Variants in MALRD1 observed in about 807,000 individuals in gnomAD.
MALRD1 encodes the protein MAM and LDL receptor class A domain containing 1, also known as MAM and LDL-receptor class A domain-containing protein 1.
Under a neutral mutation model 242.1 loss-of-function variants are expected in MALRD1, and 247 were observed. The ratio of observed to expected loss-of-function variants is 1.02; its 90% CI spans 0.92 to 1.13. MALRD1 has a LOEUF of 1.13. MALRD1 is among the 50% of genes most tolerant of loss of function. The probability of loss-of-function intolerance (pLI) is 0.00; values close to 1 mark genes in which losing one functional copy is unlikely to be tolerated. For missense variants in MALRD1, 2,989 were observed against 2,533.1 expected (o/e 1.18, Z -3.86); for synonymous variants, 995 against 866.6 (o/e 1.15, Z -2.60).
chr10:19,197,511 G>A (rs2131599188), intron 14 of MALRD1, among the ~76,000 whole-genome samples: 1 of 152,104 alleles, frequency 6.6e-6, no homozygotes, highest in East Asian at 1.9e-4. Context: ...CATTGTCCTT[G>A]TGACACCCTG....
intron 21 of MALRD1, among the ~76,000 whole-genome samples, chr10:19,291,930 C>A (rs1037545792): frequency 1.3e-5 from 2 of 151,314 alleles, no homozygotes; most frequent in Admixed American, 1.3e-4. Flanking sequence ...ATTAAAAATG[C>A]AAAAAATTAG....
At chr10:19,620,204 T>C (rs535464174) in intron 36 of MALRD1, among the ~76,000 whole-genome samples, 27 of 152,074 alleles carry the variant, frequency 1.8e-4, no homozygotes, top group African/African-American at 6.5e-4. Context: ...TATTTTAGGC[T>C]CACAGGTACA....
chr10:19,705,819 G>C (rs867413463), intron 38 of MALRD1, among the ~76,000 whole-genome samples: 7 of 57,886 alleles, frequency 1.2e-4, no homozygotes, highest in East Asian at 5.6e-4. Context: ...AAAAAAAAAA[G>C]CCCACAAGAG....
chr10:19,051,936 A>C (rs1034670003), intron 1 of MALRD1: 44 of 193,566 alleles, frequency 2.3e-4, no homozygotes, highest in Non-Finnish European at 3.5e-4. Context: ...AAAAAAAAAA[A>C]AAAAAAAAAA....
intron 26 of MALRD1, among the ~76,000 whole-genome samples, chr10:19,380,275 TTC>T (rs1369350867): frequency 4.4e-5 from 2 of 45,444 alleles, no homozygotes; most frequent in Non-Finnish European, 9.1e-5. Context: ...GCGGCCAGCC[TTC>T]TTTTTTTTTT....
At chr10:19,356,806 T>C (rs939359313) in intron 26 of MALRD1, among the ~76,000 whole-genome samples, 6 of 151,960 alleles carry the variant, frequency 3.9e-5, no homozygotes, top group Non-Finnish European at 5.9e-5. Context: ...TCCTATTTAA[T>C]AGAAGTATAA....
chr10:19,571,696 T>C (rs1836548634), intron 33 of MALRD1, among the ~76,000 whole-genome samples: 1 of 125,732 alleles, frequency 8.0e-6, no homozygotes, highest in South Asian at 2.2e-4. Context: ...ATTAAATAGA[T>C]TTTTTTCAGT....
chr10:19,382,946 T>C (rs1845900641), intron 26 of MALRD1, among the ~76,000 whole-genome samples: 1 of 152,186 alleles, frequency 6.6e-6, no homozygotes, highest in Non-Finnish European at 1.5e-5. Context: ...TATGACTTAC[T>C]ACAATTTATT....
intron 13 of MALRD1, among the ~76,000 whole-genome samples, chr10:19,169,097 C>G (rs1200359492): frequency 6.6e-6 from 1 of 152,058 alleles, no homozygotes; most frequent in Middle Eastern, 3.2e-3. Context: ...AGAGGCAAAA[C>G]CCAAGCTGCC....
In MALRD1 at chr10:19,331,469, A is replaced by G; in HGVS notation, c.3788A>G (p.Lys1263Arg). ...TCCCCTTTGCTTAGCCCAGAGAGAA[A>G]GTGTACTGATCATGAATTCATGTGT... ...DCSPLLSPER[K>R]CTDHEFMCAN... Residue 1263 changes from lysine to arginine, a missense_variant, in exon 24 of 40, where the codon AAG (lysine) becomes AGG (arginine). Physicochemically the swap from Lys to Arg is conservative, Grantham distance 26. Transcript: ENST00000454679. 1.3e-6 allele frequency: 2 copies of G among 1,550,520 alleles called. No homozygotes were observed. The highest frequency in any genetic ancestry group is 1.2e-5 in the South Asian group (1 of 84,058).
chr10:19,492,819 G>A (rs1283352764), intron 30 of MALRD1, among the ~76,000 whole-genome samples: 2 of 152,100 alleles, frequency 1.3e-5, no homozygotes, highest in Non-Finnish European at 2.9e-5. Flanking sequence ...TACATCAAAT[G>A]TAGAGAAGGT....
At chr10:19,676,411 A>T (rs1449054001) in intron 36 of MALRD1, among the ~76,000 whole-genome samples, 1 of 152,210 alleles carries the variant, frequency 6.6e-6, no homozygotes, top group East Asian at 1.9e-4. Flanking sequence ...GACAGTCATG[A>T]CTAAGATAAA....
intron 34 of MALRD1, among the ~76,000 whole-genome samples, chr10:19,599,660 T>A (rs899342311): frequency 1.3e-5 from 2 of 151,946 alleles, no homozygotes; most frequent in African/African-American, 4.8e-5. Context: ...AATAAGGGGA[T>A]TGTTTATTAG....
At chr10:19,443,198 A>T (rs1053248576) in intron 28 of MALRD1, among the ~76,000 whole-genome samples, 1 of 150,970 alleles carries the variant, frequency 6.6e-6, no homozygotes, top group African/African-American at 2.4e-5. Context: ...CATCTATTTG[A>T]TTCTTCTCTC....
Position 19,155,109 on chromosome 10 carries a change from C to G in MALRD1, c.1593C>G (p.Pro531=), listed in dbSNP as rs557518878. 2 of 1,231,576 alleles carry G rather than the reference C, an allele frequency of 1.6e-6. No individual in the cohort carries two copies. Among genetic ancestry groups the G allele is most frequent in the Non-Finnish European group, 2.0e-6 (2 of 987,906 alleles). 76.3% of individuals were successfully genotyped at this position (1,231,576 alleles called of 1,614,324 possible). A position where few individuals can be genotyped will look rare whatever the true frequency, so the allele number is the denominator to read the frequency against. The change falls in exon 12 of 40, where the codon CCC becomes CCG. Residue 531 remains proline, a synonymous_variant. Coordinates refer to ENST00000454679, the MANE Select transcript of MALRD1 (RefSeq NM_001142308.3). ...SFIYLEAQRS[P]GVAKLGSPVL... is the part of the protein sequence containing the mutation. The stretch of plus-strand genomic sequence containing the variant: ...TTTATTTGGAGGCACAGCGCTCCCC[C>G]GGGGTGGCCAAGCTTGGAAGTCCTG...
chr10:19,664,385 G>A (rs962076286), intron 36 of MALRD1, among the ~76,000 whole-genome samples: 4 of 151,740 alleles, frequency 2.6e-5, no homozygotes, highest in African/African-American at 7.3e-5. Context: ...GCACTCCAGG[G>A]ATTTTTGATT....
chr10:19,613,237 C>T (rs948424917), intron 35 of MALRD1, among the ~76,000 whole-genome samples: 17 of 151,934 alleles, frequency 1.1e-4, no homozygotes, highest in Admixed American at 2.0e-4. Flanking sequence ...GAAGAAAGAC[C>T]ACAAATCTTT....
chr10:19,066,780 T>A lies in MALRD1; in HGVS notation c.261T>A (p.Ser87Arg). 8.1e-7 allele frequency: 1 copy of A among 1,233,574 alleles called. No individual in the cohort carries two copies. Among genetic ancestry groups the A allele is most frequent in the Non-Finnish European group, 1.0e-6 (1 of 987,936 alleles). 76.4% of individuals were successfully genotyped at this position (1,233,574 alleles called of 1,614,324 possible). ...DGLCHMTQDQ[S>R]LQPSWTKRSG... ...TCTGTCATATGACTCAAGATCAGAG[T>A]CTGCAACCTAGTTGGACAAAGAGAA... is the stretch of plus-strand genomic sequence containing the variant. Residue 87 changes from serine to arginine, a missense_variant, in exon 2 of 40, where the codon AGT becomes AGA. By Grantham distance (110) the Ser-to-Arg change is moderately radical. Coordinates refer to ENST00000454679, the MANE Select transcript of MALRD1 (RefSeq NM_001142308.3).
chr10:19,394,365 A>G (rs1028277867), intron 28 of MALRD1, among the ~76,000 whole-genome samples: 2 of 152,176 alleles, frequency 1.3e-5, no homozygotes, highest in African/African-American at 4.8e-5. Context: ...GTTTTTCTGA[A>G]TTCTAACTTA....
Sources: allele counts gnomAD v4.1 joint callset (sites outside exome capture counted in the v4.1 genomes callset), GRCh38; gene constraint gnomAD v4.1.1; transcripts MANE v1.5; gene names NCBI Gene and HGNC (gene_info 2026-07-23, HGNC 2026-07-21).